STS: variants seen among roughly 807,000 people sequenced by gnomAD.
STS encodes the protein steroid sulfatase, also known as steryl-sulfatase.
STS carries 7 observed loss-of-function variants against 26.8 expected under a neutral mutation model. The observed-to-expected ratio is 0.26, with a 90% CI of 0.15 to 0.49. The LOEUF (loss-of-function observed/expected upper bound fraction) is 0.49. STS is among the 20% of genes least tolerant of loss of function. The pLI is 0.98. For synonymous variants in STS, 199 were observed against 189.4 expected, an observed-to-expected ratio of 1.05 and a Z score of -0.42; for missense variants, 434 against 465.6, an observed-to-expected ratio of 0.93 and a Z score of 0.63.
intron 1 of STS, among the ~76,000 whole-genome samples, chrX:7,169,273 C>T (rs1017515987): frequency 7.1e-5 from 8 of 112,016 alleles, no homozygotes; most frequent in Non-Finnish European, 1.3e-4. Flanking sequence ...GGGCTCAGTG[C>T]TCTCCAAGAG....
chrX:7,182,983 C>T (rs780068991), intron 1 of STS, among the ~76,000 whole-genome samples: 1 of 111,657 alleles, frequency 9.0e-6, no homozygotes, highest in South Asian at 3.8e-4. Flanking sequence ...ATATGATTGG[C>T]GTCCTTATCA....
chrX:7,294,739 A>G (rs1925585830), intron 7 of STS, among the ~76,000 whole-genome samples: 1 of 111,731 alleles, frequency 9.0e-6, no homozygotes, highest in Non-Finnish European at 1.9e-5. Flanking sequence ...CAGCCACTAC[A>G]CTATAGAGCT....
chrX:7,320,043 TTA>T (rs1298112628), intron 8 of STS, among the ~76,000 whole-genome samples: 2 of 94,079 alleles, frequency 2.1e-5, no homozygotes, highest in African/African-American at 4.0e-5. Flanking sequence ...TATTTATATA[TTA>T]TATATATTTA....
intron 1 of STS, among the ~76,000 whole-genome samples, chrX:7,150,553 C>T (rs1037237353): frequency 3.6e-5 from 4 of 111,978 alleles, no homozygotes; most frequent in African/African-American, 1.3e-4. Flanking sequence ...AAAAAAGGCC[C>T]CAATGCCATT....
In STS at chrX:7,249,211, G is replaced by A. The variant is rs537224870; in HGVS notation, c.-4-3985G>A. 1.4e-4 allele frequency among the ~76,000 whole-genome samples: 15 copies of A among 110,765 alleles called. No individual in the cohort carries two copies. The East Asian group carries it at 1.7e-3, about 13-fold the overall frequency. The stretch of plus-strand genomic sequence containing the variant: ...TGTCCATCAATCACTCAACAGGGAA[G>A]TCTACCTAATTCTCAGGTTCCAAGC... On this transcript the variant is annotated intron_variant, in intron 2 of 10. Transcript: ENST00000674429.
At chrX:7,346,298 A>G (rs1480277956) in intron 10 of STS, among the ~76,000 whole-genome samples, 1 of 111,394 alleles carries the variant, frequency 9.0e-6, no homozygotes, top group Non-Finnish European at 1.9e-5. Flanking sequence ...ATGATTTCCT[A>G]AGCATTTTGT....
At chrX:7,221,297 C>G (rs1223752313) in intron 2 of STS, among the ~76,000 whole-genome samples, 2 of 112,295 alleles carry the variant, frequency 1.8e-5, no homozygotes, top group African/African-American at 6.5e-5. Context: ...TGCCATTCCC[C>G]ATGTTGGATA....
At chrX:7,278,265 A>G (rs1467144698) in intron 7 of STS, among the ~76,000 whole-genome samples, 1 of 112,448 alleles carries the variant, frequency 8.9e-6, no homozygotes, top group East Asian at 2.8e-4. Flanking sequence ...TCTTTCCAAG[A>G]AGGGCTTTTC....
chrX:7,339,111 C>G (rs756680558), intron 10 of STS, among the ~76,000 whole-genome samples: 6 of 111,788 alleles, frequency 5.4e-5, no homozygotes, highest in Admixed American at 1.9e-4. Flanking sequence ...CTAAAACACA[C>G]CTAATAAAAG....
intron 2 of STS, among the ~76,000 whole-genome samples, chrX:7,251,537 C>T (rs1923140929): frequency 9.0e-6 from 1 of 111,177 alleles, no homozygotes; most frequent in Non-Finnish European, 1.9e-5. Flanking sequence ...TGTCAGTGCT[C>T]CCAGATACAC....
chrX:7,325,606 G>C lies in STS; in HGVS notation c.1241+108G>C, dbSNP rs374819563. ...GGGGACCAAGGCCTTTGGCCCCCTG[G>C]AGTTTTCCTGAAAATCACAGGTTTG... On this transcript the variant is annotated intron_variant, in intron 9 of 10. Coordinates refer to ENST00000674429, the MANE Select transcript of STS (RefSeq NM_001320752.2). 48 of 930,604 alleles carry C rather than the reference G, an allele frequency of 5.2e-5. No homozygotes were observed. The African/African-American group carries it at 8.3e-4, about 16-fold the overall frequency. The allele number at this position is 930,604 out of a possible 1,213,427, so 76.7% of individuals were successfully genotyped here. A position where few individuals can be genotyped will look rare whatever the true frequency, so the allele number is the denominator to read the frequency against.
chrX:7,156,468 T>C (rs1933138470), intron 1 of STS, among the ~76,000 whole-genome samples: 1 of 111,681 alleles, frequency 9.0e-6, no homozygotes, highest in Non-Finnish European at 1.9e-5. Context: ...TGTGGGCACA[T>C]TTCAATTGAA....
At chrX:7,165,587 C>T (rs1933333731) in intron 1 of STS, among the ~76,000 whole-genome samples, 1 of 111,392 alleles carries the variant, frequency 9.0e-6, no homozygotes, top group Admixed American at 9.6e-5. Flanking sequence ...TTGAGGTTGC[C>T]ATGAGCTGTG....
At position 7,191,009 on chromosome X, in the gene STS, G is replaced by GT; in HGVS notation, c.-5+2dup. On this transcript the variant is annotated splice_donor_variant, in intron 2 of 10. Transcript: ENST00000674429. LOFTEE classifies it low-confidence loss of function (5UTR_SPLICE). ...AAGATCGTCTTCAGCTGTTCATAGC[G>GT]TAAGTATGAGAGGTGCATATGTTTG... The GT allele has an allele frequency of 6.6e-6, 5 of 752,343 alleles. No homozygotes were observed. Among genetic ancestry groups the GT allele is most frequent in the Non-Finnish European group, 6.3e-6 (4 of 637,930 alleles). The allele number at this position is 752,343 out of a possible 1,213,427, so 62.0% of individuals were successfully genotyped here.
At chrX:7,325,757 T>C (rs1927416492) in intron 9 of STS, among the ~76,000 whole-genome samples, 1 of 112,238 alleles carries the variant, frequency 8.9e-6, no homozygotes, top group South Asian at 3.7e-4. Flanking sequence ...CAGCAAAGTA[T>C]GGGCAGTGTG....
intron 1 of STS, among the ~76,000 whole-genome samples, chrX:7,190,323 A>G (rs1458900024): frequency 9.1e-6 from 1 of 110,474 alleles, no homozygotes; most frequent in Non-Finnish European, 1.9e-5. Flanking sequence ...TCCTATCAGA[A>G]TCTAATGCCA....
At chrX:7,321,043 CTAGA>C (rs778750625) in intron 8 of STS, among the ~76,000 whole-genome samples, 24 of 111,325 alleles carry the variant, frequency 2.2e-4, no homozygotes, top group Non-Finnish European at 7.5e-5. Flanking sequence ...CAACAGTGGA[CTAGA>C]TAAAGAAAAT....
chrX:7,305,783 A>C (rs1428481434), intron 8 of STS, among the ~76,000 whole-genome samples: 2 of 110,838 alleles, frequency 1.8e-5, no homozygotes, highest in Non-Finnish European at 3.8e-5. Context: ...TCCTTCACTT[A>C]CTCTGACACC....
rs755340872 is a variant in STS at position 7,191,125 on chromosome X, G to A, written c.-5+117G>A. 9 of 297,258 alleles carry A rather than the reference G, an allele frequency of 3.0e-5. No homozygotes were observed. In the South Asian group the frequency reaches 1.4e-3, roughly 48 times the overall value. The allele number at this position is 297,258 out of a possible 1,213,427, so 24.5% of individuals were successfully genotyped here. A position where few individuals can be genotyped will look rare whatever the true frequency, so the allele number is the denominator to read the frequency against. The stretch of plus-strand genomic sequence containing the variant: ...ATGCAGTGATCTTGATAATGGTATT[G>A]AGGACATTCTGTTATTGCAGGGATG... On this transcript the variant is annotated intron_variant, in intron 2 of 10. Coordinates refer to ENST00000674429, the MANE Select transcript of STS (RefSeq NM_001320752.2).
Sources: gnomAD v4.1 joint callset for allele counts (sites outside exome capture counted in the v4.1 genomes callset) on GRCh38, gnomAD v4.1.1 for gene constraint, MANE v1.5 for transcripts, NCBI Gene and HGNC (gene_info 2026-07-23, HGNC 2026-07-21) for gene names.